The following FGF14 variants were observed in gnomAD, a reference collection of about 807,000 sequenced individuals.
FGF14 encodes the protein fibroblast growth factor homologous factor 4.
FGF14 carries 5 observed loss-of-function variants against 25.5 expected under a neutral mutation model. The observed-to-expected ratio is 0.20, with a 90% CI of 0.10 to 0.41. The LOEUF (loss-of-function observed/expected upper bound fraction) is 0.41, where lower values mean the gene tolerates loss of function less well. Ranked by LOEUF, FGF14 falls within the 10% of genes least tolerant of loss-of-function variation. The pLI, the probability that FGF14 is intolerant of heterozygous loss-of-function variation, is 1.00. For missense variants in FGF14, 222 were observed against 320.1 expected (o/e 0.69, Z 2.34); for synonymous variants, 138 against 118.3 (o/e 1.17, Z -1.08).
chr13:101,816,567 A>G (rs2041860158), intron 3 of FGF14, among the ~76,000 whole-genome samples: 1 of 152,154 alleles, frequency 6.6e-6, no homozygotes, highest in African/African-American at 2.4e-5. Context: ...TGAAAAAATT[A>G]TACATCTTAA....
chr13:102,372,395 AT>A lies in FGF14; in HGVS notation c.208+29075del, dbSNP rs984681464. Among the ~76,000 whole-genome samples the A allele has an allele frequency of 5.3e-5, 8 of 152,186 alleles. 1 individual carries two copies. Among genetic ancestry groups the A allele is most frequent in the Admixed American group, 5.2e-4 (8 of 15,270 alleles). Reference sequence around the variant, plus strand: ...ATCTAGTTATTCATCCGAAATTCAAATTTAAATGGCTGTCCTTTATCTGGCA... The same window carrying A: ...ATCTAGTTATTCATCCGAAATTCAAATTAAATGGCTGTCCTTTATCTGGCA... On this transcript the variant is annotated intron_variant, in intron 1 of 4. Coordinates refer to the FGF14 transcript ENST00000376131.
chr13:101,715,486 C>T lies in FGF14; in HGVS notation c.*7345G>A. On this transcript the variant is annotated 3_prime_UTR_variant, in exon 5 of 5. Coordinates refer to ENST00000376143, the MANE Select transcript of FGF14 (RefSeq NM_004115.4). ...GAATGAAATGATTTCATTGTGGACA[C>T]TTGTGATTTATAATAGCATGTTTAA... 1.0e-6 allele frequency: 1 copy of T among 972,416 alleles called. No individual in the cohort carries two copies. Among genetic ancestry groups the T allele is most frequent in the Non-Finnish European group, 1.7e-6 (1 of 598,932 alleles). The allele number at this position is 972,416 out of a possible 1,614,324, so 60.2% of individuals were successfully genotyped here. A position where few individuals can be genotyped will look rare whatever the true frequency, so the allele number is the denominator to read the frequency against.
intron 1 of FGF14, among the ~76,000 whole-genome samples, chr13:102,003,897 T>C (rs1220535005): frequency 2.0e-5 from 3 of 152,258 alleles, no homozygotes; most frequent in East Asian, 1.9e-4. Context: ...AAGACACCAC[T>C]CAGTTAGTGA....
chr13:101,871,097 G>A (rs1455443055), intron 2 of FGF14, among the ~76,000 whole-genome samples: 3 of 152,096 alleles, frequency 2.0e-5, no homozygotes, highest in Admixed American at 1.3e-4. Context: ...TGGCCATGAT[G>A]GAACCGGTAC....
At chr13:101,924,186 T>A (rs1382403963) in intron 1 of FGF14, among the ~76,000 whole-genome samples, 1 of 152,156 alleles carries the variant, frequency 6.6e-6, no homozygotes, top group Non-Finnish European at 1.5e-5. Flanking sequence ...ATTTATAATC[T>A]CAATGCAAAG....
rs115783065 is a variant in FGF14 at position 102,393,137 on chromosome 13, C to T, written c.208+8334G>A. Reference sequence around the variant, plus strand: ...ACGTGGCTAACTCTTAGTCATTCTTCATGACTCAGTCTGAGTTTTATTCCC... The same window carrying T: ...ACGTGGCTAACTCTTAGTCATTCTTTATGACTCAGTCTGAGTTTTATTCCC... On this transcript the variant is annotated intron_variant, in intron 1 of 4. Transcript: ENST00000376131. Among the ~76,000 whole-genome samples the T allele has an allele frequency of 2.0e-3, 307 of 152,302 alleles. 1 individual carries two copies. The highest frequency in any genetic ancestry group is 7.2e-3 in the African/African-American group (300 of 41,566).
intron 1 of FGF14, among the ~76,000 whole-genome samples, chr13:102,061,983 T>C (rs1222306700): frequency 2.0e-5 from 3 of 152,176 alleles, no homozygotes; most frequent in African/African-American, 7.2e-5. Flanking sequence ...AAGGCCTAGA[T>C]GAGCCTAGTC....
At chr13:101,966,882 G>A (rs774460553) in intron 1 of FGF14, among the ~76,000 whole-genome samples, 8 of 152,132 alleles carry the variant, frequency 5.3e-5, no homozygotes. Context: ...ATTGTTTGGC[G>A]AACTGTAGCT....
At chr13:102,301,729 G>A (rs895200156) in intron 1 of FGF14, among the ~76,000 whole-genome samples, 1 of 151,494 alleles carries the variant, frequency 6.6e-6, no homozygotes, top group Non-Finnish European at 1.5e-5. Flanking sequence ...AATCTATGAC[G>A]ACTAACCTCA....
intron 1 of FGF14, among the ~76,000 whole-genome samples, chr13:102,301,724 A>C (rs931493107): frequency 6.6e-6 from 1 of 151,944 alleles, no homozygotes; most frequent in African/African-American, 2.4e-5. Flanking sequence ...TCTTCAATCT[A>C]TGACGACTAA....
At chr13:102,383,157 G>T (rs2058223819) in intron 1 of FGF14, among the ~76,000 whole-genome samples, 1 of 151,928 alleles carries the variant, frequency 6.6e-6, no homozygotes, top group Non-Finnish European at 1.5e-5. Context: ...CTCAATCTGG[G>T]CTTAAGAAAT....
intron 3 of FGF14, among the ~76,000 whole-genome samples, chr13:101,732,257 T>C (rs2035857154): frequency 6.6e-6 from 1 of 152,172 alleles, no homozygotes; most frequent in African/African-American, 2.4e-5. Context: ...AAATGAAAAT[T>C]ATGTTTTTGT....
At chr13:102,355,791 AT>A (rs1255304682) in intron 1 of FGF14, among the ~76,000 whole-genome samples, 53 of 152,232 alleles carry the variant, frequency 3.5e-4, no homozygotes, top group African/African-American at 1.3e-3. Context: ...ATGTGAATAT[AT>A]TTAAAATAAT....
chr13:102,253,583 T>C (rs528802612), intron 1 of FGF14, among the ~76,000 whole-genome samples: 3 of 152,342 alleles, frequency 2.0e-5, no homozygotes, highest in East Asian at 1.9e-4. Context: ...GTCAGATGGA[T>C]AGATTGCAAA....
At chr13:101,759,303 T>A (rs2037856289) in intron 3 of FGF14, among the ~76,000 whole-genome samples, 1 of 152,084 alleles carries the variant, frequency 6.6e-6, no homozygotes, top group African/African-American at 2.4e-5. Flanking sequence ...CACATATATA[T>A]GTACATGTAT....
intron 1 of FGF14, among the ~76,000 whole-genome samples, chr13:101,893,067 G>C (rs2029998904): frequency 6.6e-6 from 1 of 152,162 alleles, no homozygotes; most frequent in African/African-American, 2.4e-5. Flanking sequence ...CCCTGCAGTA[G>C]ATGCCAGATC....
intron 1 of FGF14, among the ~76,000 whole-genome samples, chr13:102,365,907 A>G (rs539427494): frequency 1.3e-5 from 2 of 152,176 alleles, no homozygotes; most frequent in Non-Finnish European, 2.9e-5. Context: ...TTTCTATGAG[A>G]CAGCCATATT....
intron 1 of FGF14, among the ~76,000 whole-genome samples, chr13:101,896,287 A>T (rs534771926): frequency 6.6e-6 from 1 of 152,236 alleles, no homozygotes; most frequent in Admixed American, 6.5e-5. Flanking sequence ...ACCACCAAGG[A>T]CAGTTTCAGA....
At chr13:102,148,833 T>C (rs1206161915) in intron 1 of FGF14, among the ~76,000 whole-genome samples, 2 of 152,232 alleles carry the variant, frequency 1.3e-5, no homozygotes, top group East Asian at 3.9e-4. Flanking sequence ...TTCCATTATT[T>C]GAAAAAAATC....
Sources: allele counts gnomAD v4.1 joint callset (sites outside exome capture counted in the v4.1 genomes callset), GRCh38; gene constraint gnomAD v4.1.1; transcripts MANE v1.5; gene names NCBI Gene and HGNC (gene_info 2026-07-23, HGNC 2026-07-21).